Variants in CAMK1D observed in about 807,000 individuals in gnomAD.
The protein encoded by CAMK1D is calcium/calmodulin dependent protein kinase ID.
CAMK1D carries 9 observed loss-of-function variants against 47.7 expected under a neutral mutation model. That is an observed-to-expected ratio of 0.19 (90% CI 0.11 to 0.33). The LOEUF (loss-of-function observed/expected upper bound fraction) is 0.33. Among genes scored for constraint, CAMK1D ranks in the 10% least tolerant of loss-of-function variants. The probability of loss-of-function intolerance (pLI) is 1.00; values close to 1 mark genes in which losing one functional copy is unlikely to be tolerated. For synonymous variants in CAMK1D, 184 were observed against 184.9 expected (o/e 0.99, Z 0.04); for missense variants, 291 against 488.7 (o/e 0.60, Z 3.81).
chr10:12,604,361 T>C (rs1300603928), intron 2 of CAMK1D, among the ~76,000 whole-genome samples: 5 of 152,150 alleles, frequency 3.3e-5, no homozygotes, highest in Non-Finnish European at 7.3e-5. Flanking sequence ...CCAGCGTCTT[T>C]GAAGCTGACA....
intron 1 of CAMK1D, among the ~76,000 whole-genome samples, chr10:12,547,457 G>A (rs947475710): frequency 1.3e-5 from 2 of 152,190 alleles, no homozygotes; most frequent in African/African-American, 2.4e-5. Context: ...TAAATGCACA[G>A]TGCTTGTGTT....
At chr10:12,527,954 T>C (rs116634380) in intron 1 of CAMK1D, among the ~76,000 whole-genome samples, 2,707 of 152,320 alleles carry the variant, frequency 0.018, 64 homozygotes, top group East Asian at 0.046. Flanking sequence ...TTTTTTGGCA[T>C]TTGATTTTTA....
At chr10:12,437,144 T>TCTAC (rs1203119289) in intron 1 of CAMK1D, among the ~76,000 whole-genome samples, 1 of 150,386 alleles carries the variant, frequency 6.6e-6, no homozygotes, top group African/African-American at 2.4e-5. Flanking sequence ...CGACTATCTA[T>TCTAC]CTATCTGTCT....
intron 2 of CAMK1D, among the ~76,000 whole-genome samples, chr10:12,617,824 C>T (rs1172368465): frequency 6.6e-6 from 1 of 152,134 alleles, no homozygotes; most frequent in African/African-American, 2.4e-5. Flanking sequence ...TGCTGGTTTC[C>T]ACTGGTGAGC....
intron 2 of CAMK1D, among the ~76,000 whole-genome samples, chr10:12,598,947 A>G (rs777185185): frequency 4.6e-5 from 7 of 152,206 alleles, no homozygotes; most frequent in Admixed American, 1.3e-4. Context: ...GAGTAGGGAA[A>G]CAACTACTTT....
intron 3 of CAMK1D, among the ~76,000 whole-genome samples, chr10:12,679,464 T>C (rs1399689103): frequency 2.6e-5 from 4 of 152,202 alleles, no homozygotes; most frequent in Non-Finnish European, 5.9e-5. Context: ...TCTGACTCCC[T>C]AGTAGATAAA....
At chr10:12,409,838 T>C (rs1839593011) in intron 1 of CAMK1D, among the ~76,000 whole-genome samples, 1 of 152,226 alleles carries the variant, frequency 6.6e-6, no homozygotes, top group African/African-American at 2.4e-5. Context: ...AGAAACTCTG[T>C]ACCCATTAAG....
chr10:12,506,429 A>G (rs187331264), intron 1 of CAMK1D, among the ~76,000 whole-genome samples: 232 of 152,296 alleles, frequency 1.5e-3, no homozygotes, highest in African/African-American at 5.5e-3. Context: ...CAAAAAGAAA[A>G]GATAATGAAT....
intron 2 of CAMK1D, among the ~76,000 whole-genome samples, chr10:12,587,782 CAA>C (rs1837864519): frequency 6.6e-6 from 1 of 152,066 alleles, no homozygotes; most frequent in South Asian, 2.1e-4. Flanking sequence ...ATCTGATGCT[CAA>C]GAGAGAATAG....
intron 3 of CAMK1D, among the ~76,000 whole-genome samples, chr10:12,694,140 A>T (rs147925002): frequency 0.77 from 8,583 of 11,120 alleles, 3,075 homozygotes; most frequent in East Asian, 0.9. Context: ...TATTATATAT[A>T]ATATAATATA....
At chr10:12,510,436 A>G (rs1329607026) in intron 1 of CAMK1D, among the ~76,000 whole-genome samples, 1 of 152,102 alleles carries the variant, frequency 6.6e-6, no homozygotes, top group Admixed American at 6.5e-5. Flanking sequence ...ATAATAAAAG[A>G]GTGTAGCCAC....
intron 2 of CAMK1D, among the ~76,000 whole-genome samples, chr10:12,657,323 G>A (rs547192418): frequency 2.5e-4 from 38 of 152,226 alleles, no homozygotes; most frequent in African/African-American, 7.0e-4. Flanking sequence ...TACTCGGGAG[G>A]CTGAGGCAGG....
At chr10:12,433,625 A>G (rs144297915) in intron 1 of CAMK1D, among the ~76,000 whole-genome samples, 7 of 152,264 alleles carry the variant, frequency 4.6e-5, no homozygotes, top group Non-Finnish European at 7.4e-5. Flanking sequence ...TCCCCAGTCA[A>G]TGCCTTGCGT....
chr10:12,368,090 G>T (rs1241839203), intron 1 of CAMK1D, among the ~76,000 whole-genome samples: 1 of 152,102 alleles, frequency 6.6e-6, no homozygotes, highest in African/African-American at 2.4e-5. Context: ...TACTCGGGAG[G>T]CTGAGGCAGG....
chr10:12,620,684 A>G (rs1208829690), intron 2 of CAMK1D, among the ~76,000 whole-genome samples: 1 of 152,108 alleles, frequency 6.6e-6, no homozygotes. Flanking sequence ...CCTGTGGGGT[A>G]TGTGGTTTGC....
chr10:12,672,920 A>G (rs1278548340), intron 3 of CAMK1D, among the ~76,000 whole-genome samples: 1 of 73,890 alleles, frequency 1.4e-5, no homozygotes, highest in African/African-American at 6.9e-5. Flanking sequence ...TTTTTTAGTC[A>G]GAGTTTTGCT....
At chr10:12,627,320 C>G (rs947350917) in intron 2 of CAMK1D, among the ~76,000 whole-genome samples, 3 of 151,706 alleles carry the variant, frequency 2.0e-5, no homozygotes, top group Non-Finnish European at 4.4e-5. Context: ...TCCCTGACCT[C>G]GTGATCTGCC....
intron 1 of CAMK1D, among the ~76,000 whole-genome samples, chr10:12,493,333 C>T (rs1364305435): frequency 6.6e-6 from 1 of 152,168 alleles, no homozygotes; most frequent in East Asian, 1.9e-4. Context: ...CCAGCATCAA[C>T]AGCCTTCCAC....
chr10:12,536,802 T>TA (rs1352757278), intron 1 of CAMK1D, among the ~76,000 whole-genome samples: 1 of 152,248 alleles, frequency 6.6e-6, no homozygotes, highest in Non-Finnish European at 1.5e-5. Context: ...CAATTGTAAT[T>TA]ATGTTTTCCA....
Sources: gnomAD v4.1 joint callset for allele counts (sites outside exome capture counted in the v4.1 genomes callset) on GRCh38, gnomAD v4.1.1 for gene constraint, MANE v1.5 for transcripts, NCBI Gene and HGNC (gene_info 2026-07-23, HGNC 2026-07-21) for gene names.